The following MGAT4C variants were observed in gnomAD, a reference collection of about 807,000 sequenced individuals.
MGAT4C encodes the protein alpha-1,3-mannosyl-glycoprotein 4-beta-N-acetylglucosaminyltransferase C.
A neutral mutation model predicts 40.1 loss-of-function variants in MGAT4C; 19 were observed. The observed-to-expected ratio is 0.47, with a 90% CI of 0.33 to 0.70. The LOEUF is 0.70. MGAT4C is among the 30% of genes least tolerant of loss of function. MGAT4C has a pLI of 0.02. For missense variants in MGAT4C, 491 were observed against 563.2 expected (o/e 0.87, Z 1.30); for synonymous variants, 181 against 187.1 (o/e 0.97, Z 0.27).
chr12:86,434,073 G>C (rs533465191), intron 3 of MGAT4C, among the ~76,000 whole-genome samples: 5 of 151,930 alleles, frequency 3.3e-5, no homozygotes, highest in African/African-American at 9.7e-5. Context: ...AGCCTGGAAG[G>C]CTATTCTGGT....
intron 3 of MGAT4C, among the ~76,000 whole-genome samples, chr12:86,401,302 G>GTGTA (rs1555184016): frequency 2.6e-4 from 39 of 148,976 alleles, no homozygotes; most frequent in East Asian, 1.4e-3. Flanking sequence ...GTGTGTGTGT[G>GTGTA]TATATATATA....
chr12:85,984,495 T>C (rs764354205), intron 3 of MGAT4C, among the ~76,000 whole-genome samples: 26 of 152,304 alleles, frequency 1.7e-4, no homozygotes, highest in Admixed American at 5.2e-4. Flanking sequence ...GGAAGGTTTA[T>C]ATTCAAGAAA....
intron 3 of MGAT4C, among the ~76,000 whole-genome samples, chr12:86,386,107 T>C (rs1433497269): frequency 1.3e-5 from 2 of 152,046 alleles, no homozygotes; most frequent in Non-Finnish European, 2.9e-5. Flanking sequence ...ATTTTTTGTA[T>C]TTTTAGTAGA....
Position 86,621,082 on chromosome 12 carries a change from C to T in MGAT4C, c.-229+106127G>A, listed in dbSNP as rs191945857. On this transcript the variant is annotated intron_variant, in intron 2 of 7. Transcript: ENST00000548651. ...GTCCATGTAACAAAACTACACTATA[C>T]CCTCTAAATCTACAAAAATAAAATT... is the stretch of plus-strand genomic sequence containing the variant. 2.0e-5 allele frequency among the ~76,000 whole-genome samples: 3 copies of T among 151,822 alleles called. No homozygotes were observed. In the East Asian group the frequency reaches 5.8e-4, roughly 29 times the overall value.
At chr12:86,344,093 A>C (rs1429278965) in intron 3 of MGAT4C, among the ~76,000 whole-genome samples, 1 of 152,202 alleles carries the variant, frequency 6.6e-6, no homozygotes, top group Non-Finnish European at 1.5e-5. Flanking sequence ...GATTCTCAAA[A>C]TGTATACCCT....
At chr12:86,452,301 C>T (rs1291351528) in intron 2 of MGAT4C, among the ~76,000 whole-genome samples, 3 of 151,622 alleles carry the variant, frequency 2.0e-5, no homozygotes. Flanking sequence ...TGGTGTGCTG[C>T]ACCCATTAAC....
At chr12:86,196,140 G>T (rs953843677) in intron 1 of MGAT4C, among the ~76,000 whole-genome samples, 1 of 152,212 alleles carries the variant, frequency 6.6e-6, no homozygotes, top group Non-Finnish European at 1.5e-5. Flanking sequence ...GTTGGTTTCT[G>T]GTGAGGCCTC....
At chr12:86,357,104 G>A (rs958700778) in intron 3 of MGAT4C, among the ~76,000 whole-genome samples, 12 of 152,152 alleles carry the variant, frequency 7.9e-5, no homozygotes, top group African/African-American at 2.9e-4. Flanking sequence ...ATATGGCTGG[G>A]TGCCCCTCTT....
intron 2 of MGAT4C, among the ~76,000 whole-genome samples, chr12:86,463,762 C>G (rs1957636728): frequency 1.3e-5 from 2 of 152,148 alleles, no homozygotes; most frequent in African/African-American, 4.8e-5. Flanking sequence ...AGAGATAACT[C>G]TAATATAATC....
chr12:86,069,543 T>C (rs1216169661), intron 1 of MGAT4C, among the ~76,000 whole-genome samples: 1 of 152,220 alleles, frequency 6.6e-6, no homozygotes, highest in Non-Finnish European at 1.5e-5. Flanking sequence ...GTGTGAACTA[T>C]GGCAGATTGG....
intron 2 of MGAT4C, among the ~76,000 whole-genome samples, chr12:86,497,550 C>T (rs1565804504): frequency 6.6e-6 from 1 of 151,800 alleles, no homozygotes; most frequent in East Asian, 1.9e-4. Context: ...TATTGAATGC[C>T]TTCATTTCTA....
intron 1 of MGAT4C, among the ~76,000 whole-genome samples, chr12:86,758,074 G>T (rs923615883): frequency 6.6e-6 from 1 of 151,948 alleles, no homozygotes; most frequent in Non-Finnish European, 1.5e-5. Flanking sequence ...ACAATCCATG[G>T]GACACTTTAC....
chr12:86,434,461 C>A (rs1408900834), intron 3 of MGAT4C, among the ~76,000 whole-genome samples: 2 of 151,754 alleles, frequency 1.3e-5, no homozygotes, highest in African/African-American at 2.4e-5. Flanking sequence ...CATGTATATG[C>A]TCTCAATATT....
intron 4 of MGAT4C, among the ~76,000 whole-genome samples, chr12:86,300,822 C>G (rs1018410866): frequency 2.0e-5 from 3 of 151,924 alleles, no homozygotes; most frequent in African/African-American, 4.8e-5. Context: ...CAAATCAAGT[C>G]AAATGGGAGC....
At chr12:86,103,566 C>A (rs1198489309) in intron 1 of MGAT4C, among the ~76,000 whole-genome samples, 2 of 152,158 alleles carry the variant, frequency 1.3e-5, no homozygotes, top group African/African-American at 4.8e-5. Flanking sequence ...GACTTCTGAT[C>A]TTAAGCCACC....
intron 3 of MGAT4C, among the ~76,000 whole-genome samples, chr12:86,391,221 C>T (rs952996953): frequency 1.3e-4 from 20 of 152,084 alleles, no homozygotes; most frequent in African/African-American, 4.6e-4. Context: ...TAAAAACATA[C>T]ATGAATTCAC....
At chr12:86,484,863 C>T (rs1957992877) in intron 2 of MGAT4C, among the ~76,000 whole-genome samples, 1 of 152,120 alleles carries the variant, frequency 6.6e-6, no homozygotes, top group South Asian at 2.1e-4. Context: ...AGGTCTTTCC[C>T]CAGCCCACCA....
At chr12:86,451,600 GA>G (rs1357667788) in intron 2 of MGAT4C, among the ~76,000 whole-genome samples, 2 of 151,900 alleles carry the variant, frequency 1.3e-5, no homozygotes, top group Admixed American at 6.6e-5. Context: ...TGTCAGATTT[GA>G]AAAATTATTC....
At chr12:86,455,333 G>A (rs533877394) in intron 2 of MGAT4C, among the ~76,000 whole-genome samples, 42 of 152,190 alleles carry the variant, frequency 2.8e-4, no homozygotes, top group Admixed American at 9.8e-4. Flanking sequence ...CTTATGTGGG[G>A]AACATCTATT....
Sources: allele counts gnomAD v4.1 joint callset (sites outside exome capture counted in the v4.1 genomes callset), GRCh38; gene constraint gnomAD v4.1.1; transcripts MANE v1.5; gene names NCBI Gene and HGNC (gene_info 2026-07-23, HGNC 2026-07-21).